The following ICA1 variants were observed in gnomAD, a reference collection of about 807,000 sequenced individuals.
ICA1 encodes islet cell autoantigen 1.
Under a neutral mutation model 71.0 loss-of-function variants are expected in ICA1, and 40 were observed. The observed-to-expected ratio is 0.56, with a 90% CI of 0.44 to 0.73. The LOEUF (loss-of-function observed/expected upper bound fraction) is 0.73, where lower values mean the gene tolerates loss of function less well. ICA1 is among the 30% of genes least tolerant of loss of function. The probability of loss-of-function intolerance (pLI) is 0.00; values close to 1 mark genes in which losing one functional copy is unlikely to be tolerated. For synonymous variants in ICA1, 207 were observed against 209.5 expected (o/e 0.99, Z 0.10); for missense variants, 578 against 576.5 (o/e 1.00, Z -0.03).
intron 6 of ICA1, among the ~76,000 whole-genome samples, chr7:8,194,345 A>T (rs1258388253): frequency 6.6e-6 from 1 of 152,216 alleles, no homozygotes; most frequent in Non-Finnish European, 1.5e-5. Flanking sequence ...AAAATAAATT[A>T]CTTTTTACAA....
chr7:8,164,876 A>C (rs1051688897), intron 6 of ICA1, among the ~76,000 whole-genome samples: 3 of 152,156 alleles, frequency 2.0e-5, no homozygotes, highest in Admixed American at 6.5e-5. Flanking sequence ...CCAGGTGTTC[A>C]AGACCAGCCT....
At chr7:8,184,590 A>G (rs1783300067) in intron 6 of ICA1, among the ~76,000 whole-genome samples, 1 of 152,252 alleles carries the variant, frequency 6.6e-6, no homozygotes, top group African/African-American at 2.4e-5. Context: ...CCACTTAAAA[A>G]TAATCCCTTT....
At chr7:8,127,168 T>C (rs1789555731) in intron 13 of ICA1, among the ~76,000 whole-genome samples, 1 of 151,740 alleles carries the variant, frequency 6.6e-6, no homozygotes, top group African/African-American at 2.4e-5. Flanking sequence ...TTTTTGTATT[T>C]TTAGTAGAGA....
Position 8,232,578 on chromosome 7 carries a change from T to A in ICA1, c.183+12A>T, listed in dbSNP as rs770631884. On this transcript the variant is annotated intron_variant, in intron 3 of 13. Coordinates refer to ENST00000402384, the MANE Select transcript of ICA1 (RefSeq NM_001136020.3). ...GTGGCTGTGTTGGGGCTGACAGCAA[T>A]AAAGAGCTCACCTCTAGCTTGGCAT... The A allele has an allele frequency of 2.9e-5, 46 of 1,602,316 alleles. No individual in the cohort carries two copies. Among genetic ancestry groups the A allele is most frequent in the African/African-American group, 4.0e-5 (3 of 74,654 alleles).
intron 6 of ICA1, among the ~76,000 whole-genome samples, chr7:8,166,821 G>A (rs1389284359): frequency 6.6e-6 from 1 of 152,088 alleles, no homozygotes; most frequent in Non-Finnish European, 1.5e-5. Context: ...TTAAAAAACA[G>A]GCCAAAACCA....
rs376172283 is a variant in ICA1, at chr7:8,143,725, G to A, written c.902+150C>T. 1.7e-3 allele frequency: 994 copies of A among 593,354 alleles called. 11 individuals are homozygous for A. Among genetic ancestry groups the A allele is most frequent in the African/African-American group, 0.016 (866 of 53,204 alleles). The allele number at this position is 593,354 out of a possible 1,614,324, so 36.8% of individuals were successfully genotyped here. On this transcript the variant is annotated intron_variant, in intron 9 of 13. Transcript: ENST00000402384. Reference sequence around the variant, plus strand: ...GACCTAGCAGGAGCATGCGTTAAAGGGGTTTGGCTGGGATGCTAATACATC... The same window carrying A: ...GACCTAGCAGGAGCATGCGTTAAAGAGGTTTGGCTGGGATGCTAATACATC...
In ICA1 at chr7:8,224,663, C is replaced by G. The variant is rs145552203; in HGVS notation, c.257-3265G>C. ...TAATACTATCAACTAACCTACAGCC[C>G]TTATTTGAATTTTACCAGTTTTTTC... On this transcript the variant is annotated intron_variant, in intron 4 of 13. Coordinates refer to ENST00000402384, the MANE Select transcript of ICA1 (RefSeq NM_001136020.3). 9.3e-3 allele frequency among the ~76,000 whole-genome samples: 1,423 copies of G among 152,238 alleles called. 16 individuals are homozygous for G. Among genetic ancestry groups the G allele is most frequent in the African/African-American group, 0.031 (1,275 of 41,534 alleles).
rs1273747008 is a variant in ICA1, at chr7:8,238,701, T to G, written c.-79-2696A>C. On this transcript the variant is annotated intron_variant, in intron 1 of 13. Transcript: ENST00000402384. ...AAATCCTTCATAGTGTAAGTTCTTATAGTATGTGTTATTTATAGTTATAGT... is the reference window on the plus strand; with the variant it reads ...AAATCCTTCATAGTGTAAGTTCTTAGAGTATGTGTTATTTATAGTTATAGT... Among the ~76,000 whole-genome samples, 3 of 152,214 alleles carry G rather than the reference T, an allele frequency of 2.0e-5. No homozygotes were observed. The East Asian group carries it at 5.8e-4, about 29-fold the overall frequency.
intron 6 of ICA1, among the ~76,000 whole-genome samples, chr7:8,159,530 G>C (rs1434273981): frequency 6.6e-6 from 1 of 151,852 alleles, no homozygotes; most frequent in East Asian, 1.9e-4. Flanking sequence ...TGGGCAAAAC[G>C]GTGAAACCCC....
chr7:8,184,998 TG>T (rs925911659), intron 6 of ICA1, among the ~76,000 whole-genome samples: 1 of 151,390 alleles, frequency 6.6e-6, no homozygotes, highest in Non-Finnish European at 1.5e-5. Context: ...TGTTTGAACC[TG>T]GGAGGCGGAG....
chr7:8,119,842 T>C (rs1015285099), intron 13 of ICA1, among the ~76,000 whole-genome samples: 5 of 152,160 alleles, frequency 3.3e-5, no homozygotes, highest in African/African-American at 1.2e-4. Flanking sequence ...TAAGAATGCA[T>C]CTCAAAGATA....
intron 6 of ICA1, among the ~76,000 whole-genome samples, chr7:8,201,239 A>C (rs1036252206): frequency 6.6e-6 from 1 of 152,198 alleles, no homozygotes; most frequent in Non-Finnish European, 1.5e-5. Context: ...CTGACAGCCC[A>C]AAATTGGGTT....
At position 8,113,212 on chromosome 7, in the gene ICA1, A is replaced by AT. The variant is rs935790926; in HGVS notation, c.*710dup. The AT allele has an allele frequency of 1.2e-4, 13 of 108,480 alleles. No homozygotes were observed. Among genetic ancestry groups the AT allele is most frequent in the South Asian group, 6.8e-4 (2 of 2,922 alleles). The allele number at this position is 108,480 out of a possible 1,614,324, so 6.7% of individuals were successfully genotyped here. On this transcript the variant is annotated 3_prime_UTR_variant, in exon 14 of 14. Transcript: ENST00000402384. The surrounding 1 kb of genome is among the most constrained non-coding windows in gnomAD (Gnocchi z 4.2). ...GCATGTCAAATATCTTTTCTGTTTAATTAAAAAAAAAAAAAAAACAATGTC... is the reference window on the plus strand; with the variant it reads ...GCATGTCAAATATCTTTTCTGTTTAATTTAAAAAAAAAAAAAAAACAATGTC...
chr7:8,206,665 G>C (rs1175860103), intron 6 of ICA1, among the ~76,000 whole-genome samples: 1 of 147,074 alleles, frequency 6.8e-6, no homozygotes, highest in Non-Finnish European at 1.5e-5. Context: ...CCCCCAACTT[G>C]CTTCCAGGCC....
chr7:8,140,357 C>T (rs1160425926), intron 10 of ICA1, among the ~76,000 whole-genome samples: 2 of 152,196 alleles, frequency 1.3e-5, no homozygotes, highest in African/African-American at 4.8e-5. Context: ...CTCTGACTTT[C>T]TCCAGGTCCT....
intron 1 of ICA1, among the ~76,000 whole-genome samples, chr7:8,243,134 T>C (rs748490728): frequency 4.6e-5 from 7 of 152,234 alleles, no homozygotes; most frequent in Non-Finnish European, 8.8e-5. Flanking sequence ...TTTAGACCTA[T>C]ATCCCTGATA....
chr7:8,223,322 C>A lies in ICA1; in HGVS notation c.257-1924G>T, dbSNP rs1412349018. Among the ~76,000 whole-genome samples the A allele has an allele frequency of 2.0e-5, 3 of 152,274 alleles. No homozygotes were observed. In the East Asian group the frequency reaches 5.8e-4, roughly 29 times the overall value. Reference sequence around the variant, plus strand: ...GCTAGGAAGAAACCAATTTGTGGTACCTGAATAATTACATGGTTGACAAAA... The same window carrying A: ...GCTAGGAAGAAACCAATTTGTGGTAACTGAATAATTACATGGTTGACAAAA... On this transcript the variant is annotated intron_variant, in intron 4 of 13. Coordinates refer to ENST00000402384, the MANE Select transcript of ICA1 (RefSeq NM_001136020.3). This position sits in a 1 kb window ranked among gnomAD's most constrained non-coding sequence, Gnocchi z 4.1.
intron 13 of ICA1, among the ~76,000 whole-genome samples, chr7:8,115,140 T>C (rs999167305): frequency 2.6e-5 from 4 of 152,226 alleles, no homozygotes; most frequent in Non-Finnish European, 5.9e-5. Flanking sequence ...CTCCCTCTTT[T>C]TGTAAAAAAA....
intron 13 of ICA1, 34 bp downstream of exon 13, chr7:8,127,837 AAC>A: frequency 6.5e-7 from 1 of 1,547,532 alleles, no homozygotes; most frequent in Non-Finnish European, 8.7e-7. Flanking sequence ...AGAATGAACA[AAC>A]AAAAAACCCC....
Sources: gnomAD v4.1 joint callset for allele counts (sites outside exome capture counted in the v4.1 genomes callset) on GRCh38, gnomAD v4.1.1 for gene constraint, Gnocchi (gnomAD v3.1) non-coding constraint, MANE v1.5 for transcripts, NCBI Gene and HGNC (gene_info 2026-07-23, HGNC 2026-07-21) for gene names.